Variants in SV2C observed in about 807,000 individuals in gnomAD.
The protein encoded by SV2C is solute carrier family 22 member B3.
Under a neutral mutation model 79.7 loss-of-function variants are expected in SV2C, and 49 were observed. That is an observed-to-expected ratio of 0.61 (90% CI 0.49 to 0.78). The LOEUF is 0.78. Ranked by LOEUF, SV2C falls within the 30% of genes least tolerant of loss-of-function variation. The probability of loss-of-function intolerance (pLI) is 0.00; values close to 1 mark genes in which losing one functional copy is unlikely to be tolerated. For synonymous variants in SV2C, 334 were observed against 333.2 expected, an observed-to-expected ratio of 1.00 and a Z score of -0.03; for missense variants, 833 against 912.9, an observed-to-expected ratio of 0.91 and a Z score of 1.13.
intron 12 of SV2C, among the ~76,000 whole-genome samples, chr5:76,319,231 T>A (rs12055200): frequency 3.4e-5 from 5 of 145,606 alleles, no homozygotes; most frequent in Non-Finnish European, 7.5e-5. Context: ...GGCAACATGG[T>A]GAAACCTGCA....
At chr5:75,890,187 A>G in the SV2C span, among the ~76,000 whole-genome samples, 2 of 152,260 alleles carry the variant, frequency 1.3e-5, no homozygotes, top group South Asian at 4.1e-4. Flanking sequence ...ATTGTGAAGG[A>G]AAATGAAGTC....
At chr5:76,334,506 T>C (rs1749273709), downstream of SV2C, among the ~76,000 whole-genome samples, 1 of 152,234 alleles carries the variant, frequency 6.6e-6, no homozygotes, top group South Asian at 2.1e-4. Flanking sequence ...TTGGTTCTGA[T>C]GTGGCTTGAT....
intron 1 of SV2C, among the ~76,000 whole-genome samples, chr5:76,124,317 A>G (rs538672990): frequency 6.6e-6 from 1 of 152,258 alleles, no homozygotes; most frequent in African/African-American, 2.4e-5. Context: ...TCCTGTCTCT[A>G]TTATTTTGAC....
At chr5:76,310,105 T>C (rs955729601) in intron 12 of SV2C, among the ~76,000 whole-genome samples, 10 of 152,010 alleles carry the variant, frequency 6.6e-5, no homozygotes, top group Non-Finnish European at 1.0e-4. Context: ...ATTTTAGTCA[T>C]TGGGAGACAG....
chr5:76,336,301 C>T (rs184874472), downstream of SV2C, among the ~76,000 whole-genome samples: 7,959 of 151,834 alleles, frequency 0.052, 713 homozygotes, highest in African/African-American at 0.18. Context: ...ACGGGGCGGC[C>T]GGGCAGAGAC....
At chr5:76,182,788 G>A (rs188579022) in intron 2 of SV2C, among the ~76,000 whole-genome samples, 69 of 152,170 alleles carry the variant, frequency 4.5e-4, no homozygotes, top group Non-Finnish European at 7.2e-4. Flanking sequence ...AGAAAGGGTC[G>A]TGATGCTGCA....
the SV2C span, among the ~76,000 whole-genome samples, chr5:75,932,470 C>A: frequency 6.6e-6 from 1 of 152,278 alleles, no homozygotes; most frequent in African/African-American, 2.4e-5. Flanking sequence ...GGGCTAACAG[C>A]CTTCAGAGCT....
chr5:76,260,073 C>A (rs147595194), intron 4 of SV2C, among the ~76,000 whole-genome samples: 48 of 152,250 alleles, frequency 3.2e-4, no homozygotes, highest in African/African-American at 1.1e-3. Context: ...AGTGTAAAAG[C>A]ATTGCTATTT....
the SV2C span, among the ~76,000 whole-genome samples, chr5:76,037,694 T>G: frequency 6.6e-6 from 1 of 152,198 alleles, no homozygotes; most frequent in Non-Finnish European, 1.5e-5. Context: ...TACTGCTGTC[T>G]TTTTGTTTGT....
intron 2 of SV2C, among the ~76,000 whole-genome samples, chr5:76,171,661 G>C: frequency 7.2e-6 from 1 of 139,150 alleles, no homozygotes; most frequent in African/African-American, 2.5e-5. Flanking sequence ...GGAGGGAGGT[G>C]GGGGGTCAGC....
chr5:76,160,792 A>G (rs1378732186), intron 2 of SV2C, among the ~76,000 whole-genome samples: 1 of 152,238 alleles, frequency 6.6e-6, no homozygotes, highest in African/African-American at 2.4e-5. Flanking sequence ...GCTTGGCATC[A>G]TTAATTATCA....
chr5:76,207,808 G>T (rs1023274313), intron 3 of SV2C, among the ~76,000 whole-genome samples: 4 of 152,080 alleles, frequency 2.6e-5, no homozygotes, highest in African/African-American at 9.7e-5. Flanking sequence ...TTAATTAAAT[G>T]ATGTCTTTCA....
chr5:76,054,488 T>C, the SV2C span, among the ~76,000 whole-genome samples: 4 of 152,242 alleles, frequency 2.6e-5, no homozygotes, highest in African/African-American at 9.6e-5. Context: ...GAATAATTTA[T>C]ATTCCTTTGG....
chr5:76,097,392 G>T (rs183767), intron 1 of SV2C, among the ~76,000 whole-genome samples: 1 of 152,026 alleles, frequency 6.6e-6, no homozygotes, highest in East Asian at 1.9e-4. Flanking sequence ...ATATCACATT[G>T]CCACTGGTGA....
At chr5:76,062,634 A>C in the SV2C span, among the ~76,000 whole-genome samples, 10 of 152,180 alleles carry the variant, frequency 6.6e-5, no homozygotes, top group African/African-American at 2.4e-4. Flanking sequence ...AAAAAAAAAA[A>C]AAACTGTGTA....
At chr5:76,230,401 C>A (rs1445677306) in intron 4 of SV2C, among the ~76,000 whole-genome samples, 4 of 152,198 alleles carry the variant, frequency 2.6e-5, no homozygotes, top group African/African-American at 7.2e-5. Context: ...GAATTCAGTT[C>A]TCTGCACCTA....
the SV2C span, among the ~76,000 whole-genome samples, chr5:76,066,626 A>G: frequency 6.6e-6 from 1 of 152,064 alleles, no homozygotes; most frequent in African/African-American, 2.4e-5. Flanking sequence ...AGAAGAAAAA[A>G]AAAGAACCAG....
rs144149585 is a variant in SV2C at position 76,162,606 on chromosome 5, G to T, written c.580+30276G>T. ...TGATGCTGAACTCCTGTGAAAGATG[G>T]ATTATCTCTGTATTTTAGGCAGAAG... On this transcript the variant is annotated intron_variant, in intron 2 of 12. Transcript: ENST00000502798. Among the ~76,000 whole-genome samples the T allele has an allele frequency of 2.0e-5, 3 of 152,276 alleles. No individual in the cohort carries two copies. In the South Asian group the frequency reaches 6.2e-4, roughly 32 times the overall value.
chr5:76,340,722 A>G (rs1749425402), intron 12 of SV2C, among the ~76,000 whole-genome samples: 1 of 152,226 alleles, frequency 6.6e-6, no homozygotes, highest in South Asian at 2.1e-4. Context: ...TTAACTGAGT[A>G]AGGAAACAAA....
Sources: allele counts gnomAD v4.1 joint callset (sites outside exome capture counted in the v4.1 genomes callset), GRCh38; gene constraint gnomAD v4.1.1; transcripts MANE v1.5; gene names NCBI Gene and HGNC (gene_info 2026-07-23, HGNC 2026-07-21).